Variants in SLC7A6OS observed in about 807,000 individuals in gnomAD.
The protein encoded by SLC7A6OS is probable RNA polymerase II nuclear localization protein SLC7A6OS.
A neutral mutation model predicts 34.3 loss-of-function variants in SLC7A6OS; 22 were observed. The ratio of observed to expected loss-of-function variants is 0.64; its 90% CI spans 0.46 to 0.92. The LOEUF is 0.92. SLC7A6OS is among the 40% of genes least tolerant of loss of function. The pLI is 0.00. For missense variants in SLC7A6OS, 434 were observed against 407.7 expected (o/e 1.06, Z -0.56); for synonymous variants, 199 against 165.0 (o/e 1.21, Z -1.58).
In SLC7A6OS at chr16:68,304,187, G is replaced by A. The variant is rs778260157; in HGVS notation, c.517C>T (p.Arg173Cys). The change falls in exon 3 of 5, where the codon CGT becomes TGT. Residue 173 changes from arginine (R) to cysteine (C), a missense_variant. Coordinates refer to ENST00000263997, the MANE Select transcript of SLC7A6OS (RefSeq NM_032178.3). ...VILCNSVELIRERLTVSEDGP... is the reference protein window; with the variant it reads ...VILCNSVELICERLTVSEDGP... ...TCCTCAGACACAGTCAATCGCTCACGGATCAACTCTACAGAATTGCAGAGG... is the reference window on the plus strand; with the variant it reads ...TCCTCAGACACAGTCAATCGCTCACAGATCAACTCTACAGAATTGCAGAGG... The A allele has an allele frequency of 2.4e-5, 38 of 1,614,074 alleles. No individual in the cohort carries two copies. Among genetic ancestry groups the A allele is most frequent in the Non-Finnish European group, 2.5e-5 (30 of 1,180,022 alleles).
chr16:68,304,268 A>T, intron 2 of SLC7A6OS, 36 bp from the exon 3 acceptor site: 1 of 1,572,548 alleles, frequency 6.4e-7, no homozygotes, highest in South Asian at 1.1e-5. Context: ...CACACGCATG[A>T]CCCAAAACAT....
At position 68,299,710 on chromosome 16, in the gene SLC7A6OS, G is replaced by A. The variant is rs147547996; in HGVS notation, c.*1565C>T. ...TTCACCCGGTTGCTGTATGAGAATG[G>A]CTTTCAATCCTTTGTTTCTATGCCT... On this transcript the variant is annotated 3_prime_UTR_variant, in exon 5 of 5. Transcript: ENST00000263997. 402 of 152,266 alleles carry A rather than the reference G, an allele frequency of 2.6e-3. 1 individual carries two copies. Among genetic ancestry groups the A allele is most frequent in the African/African-American group, 9.1e-3 (379 of 41,552 alleles). The allele number at this position is 152,266 out of a possible 1,614,324, so 9.4% of individuals were successfully genotyped here.
intron 2 of SLC7A6OS, among the ~76,000 whole-genome samples, chr16:68,306,041 C>T (rs891114549): frequency 6.6e-6 from 1 of 151,974 alleles, no homozygotes; most frequent in Non-Finnish European, 1.5e-5. Context: ...GGCAACAGAG[C>T]GAGACGCTGT....
intron 4 of SLC7A6OS, 78 bp downstream of exon 4, chr16:68,302,303 T>G: frequency 1.9e-6 from 3 of 1,548,860 alleles, no homozygotes; most frequent in Non-Finnish European, 2.6e-6. Context: ...GAAAGGCAAT[T>G]AAGATGCACC....
intron 3 of SLC7A6OS, among the ~76,000 whole-genome samples, chr16:68,302,980 T>C (rs1391878545): frequency 1.3e-5 from 2 of 152,146 alleles, no homozygotes; most frequent in Admixed American, 6.5e-5. Context: ...AATTTGAGAA[T>C]AGGCTGGGCG....
intron 2 of SLC7A6OS, among the ~76,000 whole-genome samples, chr16:68,309,134 G>A (rs1400715434): frequency 6.6e-6 from 1 of 150,820 alleles, no homozygotes; most frequent in African/African-American, 2.4e-5. Flanking sequence ...TTGCTCTGTT[G>A]CTCAAACCAG....
chr16:68,302,813 A>G (rs1448121403), intron 3 of SLC7A6OS, among the ~76,000 whole-genome samples: 2 of 152,178 alleles, frequency 1.3e-5, no homozygotes, highest in Non-Finnish European at 2.9e-5. Context: ...CAAGCGTAAG[A>G]GGTGCGGAAA....
At chr16:68,305,825 C>T (rs111377999) in intron 2 of SLC7A6OS, among the ~76,000 whole-genome samples, 2,703 of 152,228 alleles carry the variant, frequency 0.018, 106 homozygotes, top group African/African-American at 0.061. Flanking sequence ...TTTGGGAAGC[C>T]AAGGTCGGAG....
At chr16:68,309,855 C>T (rs1268675758) in intron 2 of SLC7A6OS, among the ~76,000 whole-genome samples, 1 of 152,178 alleles carries the variant, frequency 6.6e-6, no homozygotes, top group Non-Finnish European at 1.5e-5. Context: ...TCTAGCTCAC[C>T]GGGCTCCAGG....
chr16:68,309,950 C>A (rs1016727116), intron 2 of SLC7A6OS, among the ~76,000 whole-genome samples: 2 of 152,198 alleles, frequency 1.3e-5, no homozygotes, highest in African/African-American at 4.8e-5. Context: ...ATGTGGAATA[C>A]CCTGCCATTC....
In SLC7A6OS at chr16:68,299,980, G is replaced by A. The variant is rs1388024505; in HGVS notation, c.*1295C>T. The A allele has an allele frequency of 6.6e-6, 1 of 152,140 alleles. No individual in the cohort carries two copies. Among genetic ancestry groups the A allele is most frequent in the Admixed American group, 6.5e-5 (1 of 15,272 alleles). 9.4% of individuals were successfully genotyped at this position (152,140 alleles called of 1,614,324 possible). The stretch of plus-strand genomic sequence containing the variant: ...GAATGATGGCAGGTAGGATGAAGGA[G>A]AGATACTTAGGAAATCCTAAAAGAG... On this transcript the variant is annotated 3_prime_UTR_variant, in exon 5 of 5. Transcript: ENST00000263997.
intron 2 of SLC7A6OS, 92 bp downstream of exon 2, chr16:68,310,243 C>A (rs2043440924): frequency 7.4e-7 from 1 of 1,357,114 alleles, no homozygotes; most frequent in African/African-American, 1.5e-5. Context: ...GATCATCCAT[C>A]CCCTTAAGAT....
chr16:68,298,745 A>ATG lies in SLC7A6OS; in HGVS notation c.*2529_*2530insCA, dbSNP rs2043218157. On this transcript the variant is annotated 3_prime_UTR_variant, in exon 5 of 5. Coordinates refer to ENST00000263997, the MANE Select transcript of SLC7A6OS (RefSeq NM_032178.3). Reference sequence around the variant, plus strand: ...GTGCTCAGGCTGGGCTCTCCACCCAAGTTAGGCCTGCTCTGGCCTAATGGA... The same window carrying ATG: ...GTGCTCAGGCTGGGCTCTCCACCCAATGGTTAGGCCTGCTCTGGCCTAATGGA... 6.6e-6 allele frequency: 1 copy of ATG among 152,266 alleles called. No individual in the cohort carries two copies. Among genetic ancestry groups the ATG allele is most frequent in the Non-Finnish European group, 1.5e-5 (1 of 68,086 alleles). 9.4% of individuals were successfully genotyped at this position (152,266 alleles called of 1,614,324 possible). A position where few individuals can be genotyped will look rare whatever the true frequency, so the allele number is the denominator to read the frequency against.
At position 68,310,744 on chromosome 16, in the gene SLC7A6OS, C is replaced by T; in HGVS notation, c.183G>A (p.Val61=). The change falls in exon 1 of 5, where the codon GTG becomes GTA. Residue 61 remains valine, a synonymous_variant. Transcript: ENST00000263997. The stretch of plus-strand genomic sequence containing the variant: ...GCACCACGCCCAATACCTGGGAGCA[C>T]ACAGTGGCCACCAAGTGGAAGACAT... The part of the protein sequence containing the change: ...ENNVFHLVAT[V]CSQEEPVQPL... 1 of 1,608,124 alleles carries T rather than the reference C, an allele frequency of 6.2e-7. No individual in the cohort carries two copies. Among genetic ancestry groups the T allele is most frequent in the Non-Finnish European group, 8.5e-7 (1 of 1,175,958 alleles).
chr16:68,304,843 A>C (rs933095485), intron 2 of SLC7A6OS, among the ~76,000 whole-genome samples: 12 of 152,164 alleles, frequency 7.9e-5, no homozygotes, highest in Admixed American at 7.9e-4. Flanking sequence ...TTGAGCCCAG[A>C]AGCTCAAGAC....
rs1281086797 is a variant in SLC7A6OS at position 68,299,793 on chromosome 16, G to T, written c.*1482C>A. ...ATACAAGTTGCTGCCTGTTATAACG[G>T]TGAATTATACCTTTGTGCATGCCTA... On this transcript the variant is annotated 3_prime_UTR_variant, in exon 5 of 5. Coordinates refer to ENST00000263997, the MANE Select transcript of SLC7A6OS (RefSeq NM_032178.3). 1 of 152,166 alleles carries T rather than the reference G, an allele frequency of 6.6e-6. No individual in the cohort carries two copies. The highest frequency in any genetic ancestry group is 1.5e-5 in the Non-Finnish European group (1 of 68,042). 9.4% of individuals were successfully genotyped at this position (152,166 alleles called of 1,614,324 possible).
chr16:68,302,249 T>C, intron 4 of SLC7A6OS, 132 bp downstream of exon 4: 1 of 1,021,820 alleles, frequency 9.8e-7, no homozygotes, highest in South Asian at 1.5e-5. Context: ...TCCTACAGCA[T>C]GGCTCAGTTG....
At chr16:68,302,248 A>G (rs2043288639) in intron 4 of SLC7A6OS, 133 bp downstream of exon 4, 1 of 1,013,314 alleles carries the variant, frequency 9.9e-7, no homozygotes, top group Non-Finnish European at 1.5e-6. Context: ...CTCCTACAGC[A>G]TGGCTCAGTT....
intron 3 of SLC7A6OS, among the ~76,000 whole-genome samples, chr16:68,302,950 T>C (rs1293724957): frequency 2.0e-5 from 3 of 152,186 alleles, no homozygotes; most frequent in African/African-American, 7.2e-5. Flanking sequence ...CACCTTAAGT[T>C]TTCTTGTTAA....
Sources: allele counts gnomAD v4.1 joint callset (sites outside exome capture counted in the v4.1 genomes callset), GRCh38; gene constraint gnomAD v4.1.1; transcripts MANE v1.5; gene names NCBI Gene and HGNC (gene_info 2026-07-23, HGNC 2026-07-21).